Variants in ATXN3 observed in about 807,000 individuals in gnomAD.
The protein encoded by ATXN3 is ataxin 3.
Under a neutral mutation model 58.2 loss-of-function variants are expected in ATXN3, and 28 were observed. That is an observed-to-expected ratio of 0.48 (90% CI 0.36 to 0.66). ATXN3 has a LOEUF of 0.66. Among genes scored for constraint, ATXN3 ranks in the 30% least tolerant of loss-of-function variants. ATXN3 has a pLI of 0.00. For missense variants in ATXN3, 321 were observed against 422.1 expected (o/e 0.76, Z 2.10); for synonymous variants, 113 against 138.5 (o/e 0.82, Z 1.29).
intron 10 of ATXN3, among the ~76,000 whole-genome samples, chr14:92,065,127 T>C (rs1248034274): frequency 6.6e-6 from 1 of 152,194 alleles, no homozygotes; most frequent in Non-Finnish European, 1.5e-5. Flanking sequence ...TTTTACCCAC[T>C]TTCTCTAACT....
At chr14:92,047,406 C>T (rs547588475) in intron 2 of ATXN3, among the ~76,000 whole-genome samples, 13 of 152,242 alleles carry the variant, frequency 8.5e-5, no homozygotes, top group South Asian at 2.1e-4. Flanking sequence ...CTGTAGCAGG[C>T]GAGTGATAAC....
chr14:92,065,715 A>G (rs1360129820), intron 10 of ATXN3, among the ~76,000 whole-genome samples: 6 of 152,146 alleles, frequency 3.9e-5, no homozygotes, highest in African/African-American at 1.2e-4. Flanking sequence ...CCCCATCTCT[A>G]CTAAAAACAC....
chr14:92,074,628 G>GC (rs2060029763), intron 9 of ATXN3, among the ~76,000 whole-genome samples: 1 of 152,178 alleles, frequency 6.6e-6, no homozygotes, highest in Non-Finnish European at 1.5e-5. Context: ...TGGAGGCCTG[G>GC]CTAAGAGCTG....
intron 6 of ATXN3, among the ~76,000 whole-genome samples, chr14:92,085,024 T>C (rs1365518500): frequency 2.0e-5 from 3 of 152,186 alleles, no homozygotes; most frequent in Non-Finnish European, 4.4e-5. Context: ...ATTCAGAGTT[T>C]AGACGGTTTA....
chr14:92,069,371 CTTTTTTTTTT>C (rs34755730), intron 10 of ATXN3, among the ~76,000 whole-genome samples: 1 of 92,570 alleles, frequency 1.1e-5, no homozygotes. Flanking sequence ...GTGTCCAGCC[CTTTTTTTTTT>C]TTTTTTTTTT....
rs2057837419 is a variant in ATXN3, at chr14:92,062,343, A to G, written c.*1977T>C. The G allele has an allele frequency of 6.6e-6, 1 of 152,220 alleles. No individual in the cohort carries two copies. Among genetic ancestry groups the G allele is most frequent in the Non-Finnish European group, 1.5e-5 (1 of 68,038 alleles). 9.4% of individuals were successfully genotyped at this position (152,220 alleles called of 1,614,324 possible). A position where few individuals can be genotyped will look rare whatever the true frequency, so the allele number is the denominator to read the frequency against. On this transcript the variant is annotated 3_prime_UTR_variant, in exon 11 of 11. Coordinates refer to ENST00000644486, the MANE Select transcript of ATXN3 (RefSeq NM_004993.6). ...TTCTTAAGTGCTTTAACTAGGGTAT[A>G]TATGAACTTTATAAACTCTAAAGTT...
chr14:92,083,490 G>A lies in ATXN3; in HGVS notation c.476-232C>T, dbSNP rs186086372. On this transcript the variant is annotated intron_variant, in intron 6 of 10. Coordinates refer to ENST00000644486, the MANE Select transcript of ATXN3 (RefSeq NM_004993.6). ...TCTCCATTGTAAGACTGGAAGAGCC[G>A]TCTCATTGAGTGACTGTGAGAAATA... is the stretch of plus-strand genomic sequence containing the variant. 132 of 632,422 alleles carry A rather than the reference G, an allele frequency of 2.1e-4. 1 individual carries two copies. In the East Asian group the frequency reaches 3.1e-3, roughly 15 times the overall value. The allele number at this position is 632,422 out of a possible 1,614,324, so 39.2% of individuals were successfully genotyped here.
chr14:92,068,890 C>T (rs1246516906), intron 10 of ATXN3, among the ~76,000 whole-genome samples: 1 of 152,012 alleles, frequency 6.6e-6, no homozygotes, highest in African/African-American at 2.4e-5. Context: ...GCACCCAGCC[C>T]AGCTCATGTT....
chr14:92,088,721 GTTAC>G lies in ATXN3; in HGVS notation c.475+5_475+8del, dbSNP rs1566959887. The G allele has an allele frequency of 1.3e-6, 2 of 1,561,062 alleles. No homozygotes were observed. The highest frequency in any genetic ancestry group is 2.7e-5 in the African/African-American group (2 of 73,688). On this transcript the variant is annotated splice_donor_5th_base_variant and intron_variant, in intron 6 of 10. Coordinates refer to ENST00000644486, the MANE Select transcript of ATXN3 (RefSeq NM_004993.6). Reference sequence around the variant, plus strand: ...AGGTAACATTACAAAATGTTCAGCCGTTACTTACCTTCCTGTTGTAATTGAGCCA... The same window carrying G: ...AGGTAACATTACAAAATGTTCAGCCGTTACCTTCCTGTTGTAATTGAGCCA...
At position 92,061,075 on chromosome 14, in the gene ATXN3, T is replaced by C. The variant is rs1276768209; in HGVS notation, c.*3245A>G. 1 of 152,126 alleles carries C rather than the reference T, an allele frequency of 6.6e-6. No individual in the cohort carries two copies. The highest frequency in any genetic ancestry group is 1.5e-5 in the Non-Finnish European group (1 of 68,032). 9.4% of individuals were successfully genotyped at this position (152,126 alleles called of 1,614,324 possible). A position where few individuals can be genotyped will look rare whatever the true frequency, so the allele number is the denominator to read the frequency against. ...AAAATAGTATCAAAAATTCAGACAATCAAAATGTGATTTAGGCTCTGACTG... is the reference window on the plus strand; with the variant it reads ...AAAATAGTATCAAAAATTCAGACAACCAAAATGTGATTTAGGCTCTGACTG... On this transcript the variant is annotated 3_prime_UTR_variant, in exon 11 of 11. Transcript: ENST00000644486.
At chr14:92,098,471 T>C (rs1283688777) in intron 1 of ATXN3, among the ~76,000 whole-genome samples, 1 of 152,062 alleles carries the variant, frequency 6.6e-6, no homozygotes, top group Non-Finnish European at 1.5e-5. Flanking sequence ...CCTGTAGTCC[T>C]AGCTAATCAG....
chr14:92,046,749 T>C (rs2057429770), intron 2 of ATXN3, among the ~76,000 whole-genome samples: 1 of 152,162 alleles, frequency 6.6e-6, no homozygotes, highest in South Asian at 2.1e-4. Context: ...TATCCAACCA[T>C]GCCCAGGAAG....
chr14:92,088,075 C>CT (rs763494837), intron 6 of ATXN3, among the ~76,000 whole-genome samples: 115 of 144,822 alleles, frequency 7.9e-4, no homozygotes, highest in South Asian at 1.1e-3. Context: ...TTTTTCTTTT[C>CT]TTTTTTTTTT....
chr14:92,083,833 A>C (rs2061906560), intron 6 of ATXN3, among the ~76,000 whole-genome samples: 1 of 152,238 alleles, frequency 6.6e-6, no homozygotes, highest in Non-Finnish European at 1.5e-5. Flanking sequence ...CCCACCCTCA[A>C]ACTGGGTGGT....
intron 3 of ATXN3, among the ~76,000 whole-genome samples, chr14:92,095,602 T>C (rs2065026751): frequency 6.6e-6 from 1 of 151,924 alleles, no homozygotes; most frequent in Admixed American, 6.6e-5. Flanking sequence ...AAGGAATTTT[T>C]AAATGCCCCA....
intron 1 of ATXN3, among the ~76,000 whole-genome samples, chr14:92,101,754 A>T (rs2066855367): frequency 6.6e-6 from 1 of 152,146 alleles, no homozygotes; most frequent in African/African-American, 2.4e-5. Flanking sequence ...GGTGCTCAGG[A>T]GGCTAAGGCA....
intron 9 of ATXN3, among the ~76,000 whole-genome samples, chr14:92,074,730 A>C (rs1231345479): frequency 6.6e-6 from 1 of 152,186 alleles, no homozygotes; most frequent in Non-Finnish European, 1.5e-5. Context: ...TCTGTTTCTC[A>C]ACACTGTTTG....
At chr14:92,056,206 T>C (rs575472440), downstream of ATXN3, among the ~76,000 whole-genome samples, 6 of 152,298 alleles carry the variant, frequency 3.9e-5, no homozygotes, top group South Asian at 1.2e-3. Flanking sequence ...TTGGGGCCCA[T>C]GTAGTGACAT....
In ATXN3 at chr14:92,061,147, C is replaced by A. The variant is rs540263466; in HGVS notation, c.*3173G>T. 1.3e-5 allele frequency: 2 copies of A among 151,914 alleles called. No homozygotes were observed. Among genetic ancestry groups the A allele is most frequent in the Non-Finnish European group, 2.9e-5 (2 of 68,002 alleles). 9.4% of individuals were successfully genotyped at this position (151,914 alleles called of 1,614,324 possible). ...ACTTAATATTAAACAATATGGACTA[C>A]TGGTAGTTTTGTCTGCAATGATACT... On this transcript the variant is annotated 3_prime_UTR_variant, in exon 11 of 11. Transcript: ENST00000644486.
Sources: allele counts gnomAD v4.1 joint callset (sites outside exome capture counted in the v4.1 genomes callset), GRCh38; gene constraint gnomAD v4.1.1; transcripts MANE v1.5; gene names NCBI Gene and HGNC (gene_info 2026-07-23, HGNC 2026-07-21).